The following GRHL2 variants were observed in gnomAD, a reference collection of about 807,000 sequenced individuals.
The protein encoded by GRHL2 is grainyhead like transcription factor 2.
GRHL2 carries 21 observed loss-of-function variants against 83.8 expected under a neutral mutation model. That is an observed-to-expected ratio of 0.25 (90% confidence interval 0.18 to 0.36). The LOEUF (loss-of-function observed/expected upper bound fraction) is 0.36, where lower values mean the gene tolerates loss of function less well. GRHL2 is among the 10% of genes least tolerant of loss of function. The probability of loss-of-function intolerance (pLI) is 1.00; values close to 1 mark genes in which losing one functional copy is unlikely to be tolerated. For synonymous variants in GRHL2, 280 were observed against 278.9 expected, an observed-to-expected ratio of 1.00 and a Z score of -0.04; for missense variants, 623 against 781.8, an observed-to-expected ratio of 0.80 and a Z score of 2.42.
chr8:101,587,812 C>T (rs1563594680), intron 7 of GRHL2, among the ~76,000 whole-genome samples: 1 of 152,142 alleles, frequency 6.6e-6, no homozygotes, highest in South Asian at 2.1e-4. Context: ...ACTATAGAGC[C>T]GGTCTATTCA....
chr8:101,531,073 T>C (rs959305598), intron 1 of GRHL2, among the ~76,000 whole-genome samples: 1 of 151,560 alleles, frequency 6.6e-6, no homozygotes, highest in African/African-American at 2.4e-5. Context: ...TCTACAAAAA[T>C]AAAAAAATTA....
chr8:101,594,345 C>T (rs1812350031), intron 7 of GRHL2, among the ~76,000 whole-genome samples: 1 of 152,180 alleles, frequency 6.6e-6, no homozygotes, highest in Non-Finnish European at 1.5e-5. Flanking sequence ...TTCCTGACTA[C>T]AGCTGTCAAC....
At chr8:101,529,330 G>A (rs1235759792) in intron 1 of GRHL2, 4 of 185,146 alleles carry the variant, frequency 2.2e-5, no homozygotes, top group Admixed American at 1.3e-4. Flanking sequence ...CTACTCGGGA[G>A]ACTGAGGCAG....
rs56301334 is a variant in GRHL2 at position 101,643,369 on chromosome 8, CAAAA to C, written c.1518-738_1518-735del. ...CTATCCTCTTAGTTTCTGTTTCTCT[CAAAA>C]AAAAAAAAAAAAAAAAAAAAAAATC... is the stretch of plus-strand genomic sequence containing the variant. On this transcript the variant is annotated intron_variant, in intron 12 of 15. Coordinates refer to ENST00000646743, the MANE Select transcript of GRHL2 (RefSeq NM_024915.4). Among the ~76,000 whole-genome samples the C allele has an allele frequency of 1.5e-3, 148 of 96,960 alleles. 1 individual carries two copies. The highest frequency in any genetic ancestry group is 4.4e-3 in the African/African-American group (121 of 27,618). 63.6% of individuals were successfully genotyped at this position (96,960 alleles called of 152,430 possible). A position where few individuals can be genotyped will look rare whatever the true frequency, so the allele number is the denominator to read the frequency against.
rs945945948 is a variant in GRHL2, at chr8:101,519,844, A to T, written c.21-23397A>T. On this transcript the variant is annotated intron_variant, in intron 1 of 15. Transcript: ENST00000646743. Reference sequence around the variant, plus strand: ...CTCACTGCTAATAATCAATTTAAAAATGAGAATATTTTAAAATCCATGCAC... The same window carrying T: ...CTCACTGCTAATAATCAATTTAAAATTGAGAATATTTTAAAATCCATGCAC... Among the ~76,000 whole-genome samples, 3 of 152,228 alleles carry T rather than the reference A, an allele frequency of 2.0e-5. No homozygotes were observed. The East Asian group carries it at 5.8e-4, about 29-fold the overall frequency.
chr8:101,659,184 T>C (rs4734037), intron 14 of GRHL2, among the ~76,000 whole-genome samples: 37,083 of 152,116 alleles, frequency 0.24, 4,714 homozygotes, highest in South Asian at 0.29. Flanking sequence ...CAAAGTATGA[T>C]GAATGAATGT....
chr8:101,546,097 G>A (rs1214538041), intron 2 of GRHL2, among the ~76,000 whole-genome samples: 2 of 151,864 alleles, frequency 1.3e-5, no homozygotes, highest in Non-Finnish European at 2.9e-5. Context: ...GGCCAGGATG[G>A]TCTCGATCTC....
At chr8:101,516,201 C>T (rs539005499) in intron 1 of GRHL2, among the ~76,000 whole-genome samples, 2 of 152,282 alleles carry the variant, frequency 1.3e-5, no homozygotes, top group South Asian at 4.1e-4. Flanking sequence ...CAACTGACAA[C>T]CACAGACTGC....
Position 101,558,432 on chromosome 8 carries a change from A to G in GRHL2, c.298A>G (p.Thr100Ala), listed in dbSNP as rs781762121. 1.2e-6 allele frequency: 2 copies of G among 1,614,170 alleles called. No individual in the cohort carries two copies. Among genetic ancestry groups the G allele is most frequent in the South Asian group, 2.2e-5 (2 of 91,082 alleles). ...TTCAACACACAGAAACTGCCTTGGC[A>G]CCAGTGAAGCCCAGAGTAATTTGAG... is the stretch of plus-strand genomic sequence containing the variant. ...EDQEKRNCLGTSEAQSNLSGG... is the reference protein window; with the variant it reads ...EDQEKRNCLGASEAQSNLSGG... Residue 100 changes from threonine to alanine, a missense_variant, in exon 4 of 16, where the codon ACC (threonine) becomes GCC (alanine). Coordinates refer to ENST00000646743, the MANE Select transcript of GRHL2 (RefSeq NM_024915.4).
At chr8:101,573,566 A>AC in intron 5 of GRHL2, 102 bp from the exon 6 acceptor site, 1 of 1,410,272 alleles carries the variant, frequency 7.1e-7, no homozygotes, top group Non-Finnish European at 1.0e-6. Context: ...AAAACAGTAA[A>AC]CATTGGTTAA....
At chr8:101,512,022 C>T (rs2130011326) in intron 1 of GRHL2, among the ~76,000 whole-genome samples, 2 of 152,274 alleles carry the variant, frequency 1.3e-5, no homozygotes, top group Non-Finnish European at 2.9e-5. Context: ...TTTAACTCTT[C>T]AGTGTGTTAC....
At chr8:101,538,750 A>T (rs1811093871) in intron 1 of GRHL2, among the ~76,000 whole-genome samples, 1 of 152,208 alleles carries the variant, frequency 6.6e-6, no homozygotes, top group Non-Finnish European at 1.5e-5. Flanking sequence ...TGCTCAGTGT[A>T]CCAGAGAGAT....
At chr8:101,506,177 C>T (rs1469008043) in intron 1 of GRHL2, among the ~76,000 whole-genome samples, 1 of 152,196 alleles carries the variant, frequency 6.6e-6, no homozygotes, top group African/African-American at 2.4e-5. Flanking sequence ...AATGCTATTG[C>T]CCAGGCTGAC....
At chr8:101,671,235 G>A (rs939678631), downstream of GRHL2, among the ~76,000 whole-genome samples, 1 of 152,208 alleles carries the variant, frequency 6.6e-6, no homozygotes, top group Non-Finnish European at 1.5e-5. Context: ...GCCTCACTCG[G>A]GAAGCGCAAG....
chr8:101,563,127 T>C (rs976471190), intron 4 of GRHL2, among the ~76,000 whole-genome samples: 4 of 152,168 alleles, frequency 2.6e-5, no homozygotes, highest in African/African-American at 9.7e-5. Context: ...ATATTCTAAA[T>C]GAGGAAACTG....
intron 7 of GRHL2, among the ~76,000 whole-genome samples, chr8:101,581,243 C>A (rs560744823): frequency 7.2e-5 from 11 of 152,232 alleles, no homozygotes; most frequent in African/African-American, 2.6e-4. Flanking sequence ...GTTTGATATG[C>A]GGTTCTTGTA....
At chr8:101,526,120 G>C (rs929138206) in intron 1 of GRHL2, among the ~76,000 whole-genome samples, 2 of 152,168 alleles carry the variant, frequency 1.3e-5, no homozygotes, top group African/African-American at 4.8e-5. Flanking sequence ...ATTACAAAAT[G>C]TTATTTTGGT....
chr8:101,522,124 C>A (rs979705574), intron 1 of GRHL2, among the ~76,000 whole-genome samples: 1 of 152,022 alleles, frequency 6.6e-6, no homozygotes, highest in African/African-American at 2.4e-5. Flanking sequence ...TTTTATTATA[C>A]TTTAAGTTCT....
Position 101,644,184 on chromosome 8 carries a change from C to CAGT in GRHL2, c.1572_1574dup (p.Val525dup). 3 of 1,614,120 alleles carry CAGT rather than the reference C, an allele frequency of 1.9e-6. No individual in the cohort carries two copies. Among genetic ancestry groups the CAGT allele is most frequent in the Non-Finnish European group, 1.7e-6 (2 of 1,180,002 alleles). On this transcript the variant is annotated inframe_insertion, in exon 13 of 16. Coordinates refer to ENST00000646743, the MANE Select transcript of GRHL2 (RefSeq NM_024915.4). Reference sequence around the variant, plus strand: ...CGGCCCATGGAAGAGGAGTTTGGTCCAGTGCCTTCAAAGCAGATGAAAGAA... The same window carrying CAGT: ...CGGCCCATGGAAGAGGAGTTTGGTCCAGTAGTGCCTTCAAAGCAGATGAAAGAA...
Sources: gnomAD v4.1 joint callset for allele counts (sites outside exome capture counted in the v4.1 genomes callset) on GRCh38, gnomAD v4.1.1 for gene constraint, MANE v1.5 for transcripts, NCBI Gene and HGNC (gene_info 2026-07-23, HGNC 2026-07-21) for gene names.